The following NETO2 variants were observed in gnomAD, a reference collection of about 807,000 sequenced individuals.
NETO2 encodes neuropilin and tolloid like 2, also known as neuropilin and tolloid-like protein 2.
In NETO2, 28 loss-of-function variants were observed where a neutral mutation model predicts 62.5. The ratio of observed to expected loss-of-function variants is 0.45; its 90% confidence interval spans 0.33 to 0.61. NETO2 has a LOEUF of 0.61. Among genes scored for constraint, NETO2 ranks in the 20% least tolerant of loss-of-function variants. NETO2 has a pLI of 0.02. For synonymous variants in NETO2, 214 were observed against 219.1 expected (o/e 0.98, Z 0.21); for missense variants, 548 against 643.2 (o/e 0.85, Z 1.60).
intron 1 of NETO2, among the ~76,000 whole-genome samples, chr16:47,140,646 C>T (rs1233117080): frequency 6.6e-6 from 1 of 152,148 alleles, no homozygotes; most frequent in Non-Finnish European, 1.5e-5. Flanking sequence ...CAGTTTTTCC[C>T]AACCCCTGGA....
At chr16:47,090,069 C>G (rs949972967) in intron 7 of NETO2, among the ~76,000 whole-genome samples, 3 of 152,076 alleles carry the variant, frequency 2.0e-5, no homozygotes, top group Non-Finnish European at 4.4e-5. Context: ...ATGAATAAAA[C>G]TACCATTGGT....
intron 1 of NETO2, among the ~76,000 whole-genome samples, chr16:47,142,300 AG>A (rs1327900209): frequency 6.6e-6 from 1 of 152,214 alleles, no homozygotes; most frequent in Non-Finnish European, 1.5e-5. Context: ...AGAAAGTCCT[AG>A]GTTACCTTAG....
rs543949408 is a variant in NETO2, at chr16:47,092,810, G to A, written c.884-6471C>T. Among the ~76,000 whole-genome samples the A allele has an allele frequency of 5.9e-5, 9 of 152,240 alleles. No homozygotes were observed. The East Asian group carries it at 1.7e-3, about 29-fold the overall frequency. ...TCAGCAAATGCCACCGTGAGCTCCCGACATTTCCAGCTGCCCAAGGAGCTC... is the reference window on the plus strand; with the variant it reads ...TCAGCAAATGCCACCGTGAGCTCCCAACATTTCCAGCTGCCCAAGGAGCTC... On this transcript the variant is annotated intron_variant, in intron 7 of 8. Coordinates refer to ENST00000562435, the MANE Select transcript of NETO2 (RefSeq NM_018092.5).
intron 2 of NETO2, among the ~76,000 whole-genome samples, chr16:47,130,963 C>T (rs1174218496): frequency 6.8e-6 from 1 of 146,156 alleles, no homozygotes; most frequent in Non-Finnish European, 1.5e-5. Context: ...AGATGGAAAA[C>T]AGAAGAGCCA....
intron 6 of NETO2, among the ~76,000 whole-genome samples, chr16:47,114,365 C>CT (rs34670065): frequency 0.09 from 6,536 of 72,470 alleles, 499 homozygotes; most frequent in African/African-American, 0.21. Context: ...CAGTCAGTGG[C>CT]TTTTTTTTTT....
chr16:47,119,019 TGAAA>T (rs1459528700), intron 6 of NETO2, among the ~76,000 whole-genome samples: 1 of 152,162 alleles, frequency 6.6e-6, no homozygotes, highest in Non-Finnish European at 1.5e-5. Flanking sequence ...CATTTATTTA[TGAAA>T]GAAACAGTTT....
At position 47,083,230 on chromosome 16, in the gene NETO2, A is replaced by G. The variant is rs1596694790; in HGVS notation, c.1569T>C (p.Ile523=). The G allele has an allele frequency of 6.2e-7, 1 of 1,608,346 alleles. No homozygotes were observed. Among genetic ancestry groups the G allele is most frequent in the South Asian group, 1.1e-5 (1 of 90,328 alleles). The change falls in exon 9 of 9, where the codon ATT becomes ATC. Residue 523 remains isoleucine (I), a synonymous_variant. Coordinates refer to ENST00000562435, the MANE Select transcript of NETO2 (RefSeq NM_018092.5). ...CACCATTAGCAGAAGATTAGAAGTC[A>G]ATGGATATGGATGCTTGTGCAGAAT... ...REDSAQASIS[I]DF
intron 7 of NETO2, 116 bp from the exon 8 acceptor site, chr16:47,086,455 T>G (rs1297408843): frequency 1.2e-5 from 8 of 657,520 alleles, no homozygotes; most frequent in Non-Finnish European, 2.2e-5. Context: ...TTTCCTTGAA[T>G]AAACTCTGTA....
At chr16:47,119,408 C>A (rs1963992725) in intron 6 of NETO2, among the ~76,000 whole-genome samples, 1 of 151,870 alleles carries the variant, frequency 6.6e-6, no homozygotes, top group Non-Finnish European at 1.5e-5. Flanking sequence ...GCCTCGGCCT[C>A]CCAAAGTGCT....
At chr16:47,096,210 A>G (rs866625249) in intron 7 of NETO2, among the ~76,000 whole-genome samples, 11 of 152,224 alleles carry the variant, frequency 7.2e-5, no homozygotes, top group Admixed American at 6.5e-5. Context: ...TTAAAAAAGA[A>G]GAAACAACTT....
intron 6 of NETO2, among the ~76,000 whole-genome samples, chr16:47,119,191 GC>G (rs1185906058): frequency 7.3e-6 from 1 of 137,470 alleles, no homozygotes; most frequent in African/African-American, 2.7e-5. Flanking sequence ...TTGCACTGTT[GC>G]CCAGGCTGGA....
intron 1 of NETO2, among the ~76,000 whole-genome samples, chr16:47,135,604 A>T (rs1964350017): frequency 6.6e-6 from 1 of 152,146 alleles, no homozygotes; most frequent in Admixed American, 6.6e-5. Flanking sequence ...AGATGATAAA[A>T]GACAGGTGCT....
intron 1 of NETO2, among the ~76,000 whole-genome samples, chr16:47,143,278 C>A (rs896817758): frequency 6.6e-6 from 1 of 152,024 alleles, no homozygotes; most frequent in Non-Finnish European, 1.5e-5. Flanking sequence ...AGGGCGCAGC[C>A]CGGAGGGCCC....
intron 7 of NETO2, among the ~76,000 whole-genome samples, chr16:47,102,953 G>A (rs940854089): frequency 2.0e-4 from 30 of 152,100 alleles, no homozygotes; most frequent in Non-Finnish European, 4.0e-4. Flanking sequence ...TATATCCAAA[G>A]GATTACAAAT....
intron 2 of NETO2, among the ~76,000 whole-genome samples, chr16:47,130,250 T>C (rs1228631944): frequency 6.6e-6 from 1 of 152,150 alleles, no homozygotes; most frequent in African/African-American, 2.4e-5. Flanking sequence ...GATTCTTCTC[T>C]GGGAGTCGAA....
At chr16:47,091,781 C>A (rs1262348557) in intron 7 of NETO2, among the ~76,000 whole-genome samples, 1 of 152,168 alleles carries the variant, frequency 6.6e-6, no homozygotes, top group Non-Finnish European at 1.5e-5. Context: ...CTGATAAGAA[C>A]CTTGGGTGCT....
chr16:47,112,588 G>A (rs1459567194), intron 6 of NETO2, among the ~76,000 whole-genome samples: 2 of 151,852 alleles, frequency 1.3e-5, no homozygotes, highest in African/African-American at 4.8e-5. Flanking sequence ...TCGAACTCTT[G>A]ACCTCAAGTG....
At chr16:47,129,189 A>G (rs201290331) in intron 3 of NETO2, 35 bp downstream of exon 3, 4 of 1,601,018 alleles carry the variant, frequency 2.5e-6, no homozygotes, top group Admixed American at 1.7e-5. Flanking sequence ...ACAATAAAGT[A>G]AAAATTCATC....
At chr16:47,121,152 G>A (rs968160179) in intron 6 of NETO2, among the ~76,000 whole-genome samples, 3 of 152,062 alleles carry the variant, frequency 2.0e-5, no homozygotes, top group African/African-American at 7.2e-5. Flanking sequence ...AAAAATGGAC[G>A]TGGTCATTTT....
Sources: gnomAD v4.1 joint callset for allele counts (sites outside exome capture counted in the v4.1 genomes callset) on GRCh38, gnomAD v4.1.1 for gene constraint, MANE v1.5 for transcripts, NCBI Gene and HGNC (gene_info 2026-07-23, HGNC 2026-07-21) for gene names.